Variants in CSMD1 observed in about 807,000 individuals in gnomAD.
The protein encoded by CSMD1 is CUB and sushi domain-containing protein 1.
CSMD1 carries 213 observed loss-of-function variants against 417.5 expected under a neutral mutation model. That is an observed-to-expected ratio of 0.51 (90% CI 0.46 to 0.57). The LOEUF is 0.57. Among genes scored for constraint, CSMD1 ranks in the 20% least tolerant of loss-of-function variants. The probability of loss-of-function intolerance (pLI) is 0.00; values close to 1 mark genes in which losing one functional copy is unlikely to be tolerated. For missense variants in CSMD1, 6,923 were observed against 4,529.7 expected (o/e 1.53, Z -15.17); for synonymous variants, 2,862 against 1,736.8 (o/e 1.65, Z -16.11).
At chr8:3,765,462 T>C (rs568450113) in intron 5 of CSMD1, among the ~76,000 whole-genome samples, 2 of 152,354 alleles carry the variant, frequency 1.3e-5, no homozygotes, top group African/African-American at 4.8e-5. Flanking sequence ...AATGGTTGTG[T>C]AGAGGTCTAC....
chr8:3,363,647 T>C (rs1030442804), intron 20 of CSMD1, among the ~76,000 whole-genome samples: 14 of 152,216 alleles, frequency 9.2e-5, no homozygotes, highest in South Asian at 6.2e-4. Flanking sequence ...CCTGCCTCAG[T>C]CTCCTGAGTA....
intron 3 of CSMD1, among the ~76,000 whole-genome samples, chr8:4,325,052 T>A (rs185242889): frequency 6.6e-6 from 1 of 152,142 alleles, no homozygotes; most frequent in African/African-American, 2.4e-5. Context: ...AAATGGCTTG[T>A]AGTTACGCAT....
At chr8:3,884,933 A>T (rs904356253) in intron 5 of CSMD1, among the ~76,000 whole-genome samples, 132 of 92,940 alleles carry the variant, frequency 1.4e-3, no homozygotes, top group African/African-American at 7.6e-3. Context: ...ATATATATTC[A>T]TATATATATA....
intron 3 of CSMD1, among the ~76,000 whole-genome samples, chr8:4,321,672 C>T (rs977676458): frequency 6.6e-6 from 1 of 152,064 alleles, no homozygotes; most frequent in Non-Finnish European, 1.5e-5. Flanking sequence ...AAGAGCTGTT[C>T]AACATTCCTA....
At chr8:4,027,241 A>C (rs1797109524) in intron 4 of CSMD1, among the ~76,000 whole-genome samples, 1 of 152,210 alleles carries the variant, frequency 6.6e-6, no homozygotes, top group Admixed American at 6.5e-5. Context: ...TCACCAAAGT[A>C]GTTTGGCTGA....
intron 10 of CSMD1, among the ~76,000 whole-genome samples, chr8:3,541,816 G>C (rs1406373951): frequency 1.3e-5 from 2 of 151,592 alleles, no homozygotes; most frequent in Admixed American, 6.6e-5. Context: ...TGCTGGGCAT[G>C]ATGGCTTGCA....
At chr8:3,211,766 G>A (rs1296810467) in intron 30 of CSMD1, among the ~76,000 whole-genome samples, 4 of 152,190 alleles carry the variant, frequency 2.6e-5, no homozygotes, top group Admixed American at 6.5e-5. Context: ...GCCATGCCTC[G>A]TCCAGAAGGG....
intron 3 of CSMD1, among the ~76,000 whole-genome samples, chr8:4,131,501 A>T (rs1031179706): frequency 6.6e-6 from 1 of 152,168 alleles, no homozygotes; most frequent in African/African-American, 2.4e-5. Context: ...TTCCCCTTGG[A>T]TATTCACTAA....
At chr8:3,763,134 G>T (rs1043955105) in intron 5 of CSMD1, among the ~76,000 whole-genome samples, 1 of 152,160 alleles carries the variant, frequency 6.6e-6, no homozygotes, top group Admixed American at 6.5e-5. Context: ...AATGCACATT[G>T]GCTGAATAAG....
chr8:4,105,497 A>G (rs1313685374), intron 3 of CSMD1, among the ~76,000 whole-genome samples: 1 of 152,182 alleles, frequency 6.6e-6, no homozygotes, highest in Admixed American at 6.5e-5. Context: ...TGTTCCAGAG[A>G]TGGTTCTAGG....
chr8:4,265,549 C>G (rs12681406), intron 3 of CSMD1, among the ~76,000 whole-genome samples: 1 of 103,686 alleles, frequency 9.6e-6, no homozygotes, highest in African/African-American at 2.6e-5. Flanking sequence ...TTTACAAATT[C>G]TATTCATATA....
At chr8:3,384,330 A>G (rs1225389436) in intron 18 of CSMD1, among the ~76,000 whole-genome samples, 2 of 152,136 alleles carry the variant, frequency 1.3e-5, no homozygotes, top group African/African-American at 4.8e-5. Flanking sequence ...AAATCAAATC[A>G]GGCATCCAAT....
At chr8:3,482,691 C>G (rs1817815382) in intron 11 of CSMD1, among the ~76,000 whole-genome samples, 1 of 152,192 alleles carries the variant, frequency 6.6e-6, no homozygotes, top group East Asian at 1.9e-4. Flanking sequence ...TTTCAAAGCC[C>G]TATGAAAAGC....
intron 1 of CSMD1, among the ~76,000 whole-genome samples, chr8:4,963,386 G>A (rs971405377): frequency 6.6e-6 from 1 of 151,956 alleles, no homozygotes; most frequent in Non-Finnish European, 1.5e-5. Flanking sequence ...TTTTAGTAGA[G>A]ACGAGGTTTC....
chr8:3,968,584 T>C (rs1165829665), intron 5 of CSMD1, among the ~76,000 whole-genome samples: 11 of 152,212 alleles, frequency 7.2e-5, no homozygotes, highest in Non-Finnish European at 5.9e-5. Flanking sequence ...AACAGGTGTA[T>C]TTCAGATGGA....
At chr8:4,565,830 CG>C (rs1375583698) in intron 2 of CSMD1, among the ~76,000 whole-genome samples, 4 of 146,084 alleles carry the variant, frequency 2.7e-5, no homozygotes, top group African/African-American at 7.6e-5. Context: ...CACACAGACA[CG>C]CACACACACA....
chr8:4,853,060 A>C (rs1250507635), intron 1 of CSMD1, among the ~76,000 whole-genome samples: 1 of 152,248 alleles, frequency 6.6e-6, no homozygotes. Flanking sequence ...AGCAGAGCAT[A>C]AACATTTGGA....
chr8:3,558,459 C>G (rs1248666096), intron 10 of CSMD1, among the ~76,000 whole-genome samples: 2 of 148,424 alleles, frequency 1.3e-5, no homozygotes, highest in African/African-American at 5.0e-5. Flanking sequence ...TGAATAGTGT[C>G]TCAATAGTAC....
At chr8:4,281,211 G>A (rs76460970) in intron 3 of CSMD1, among the ~76,000 whole-genome samples, 5,658 of 152,138 alleles carry the variant, frequency 0.037, 338 homozygotes, top group African/African-American at 0.13. Flanking sequence ...ATATAAAAGT[G>A]GAAAATACTT....
Sources: gnomAD v4.1 joint callset for allele counts (sites outside exome capture counted in the v4.1 genomes callset) on GRCh38, gnomAD v4.1.1 for gene constraint, MANE v1.5 for transcripts, NCBI Gene and HGNC (gene_info 2026-07-23, HGNC 2026-07-21) for gene names.